BBOF1: variants seen among roughly 807,000 people sequenced by gnomAD.
BBOF1 encodes the protein basal body-orientation factor 1.
BBOF1 carries 62 observed loss-of-function variants against 68.0 expected under a neutral mutation model. That is an observed-to-expected ratio of 0.91 (90% CI 0.74 to 1.13). BBOF1 has a LOEUF of 1.13. Ranked by LOEUF, BBOF1 falls within the 50% of genes most tolerant of loss-of-function variation. The pLI, the probability that BBOF1 is intolerant of heterozygous loss-of-function variation, is 0.00. For missense variants in BBOF1, 534 were observed against 600.1 expected (o/e 0.89, Z 1.15); for synonymous variants, 208 against 198.8 (o/e 1.05, Z -0.39).
chr14:74,057,029 T>C, intron 10 of BBOF1, 49 bp downstream of exon 10: 1 of 1,585,648 alleles, frequency 6.3e-7, no homozygotes, highest in African/African-American at 1.3e-5. Context: ...ACACGATGGT[T>C]CTTGTGGGCA....
intron 11 of BBOF1, among the ~76,000 whole-genome samples, chr14:74,063,184 A>T (rs2060384971): frequency 6.8e-6 from 1 of 147,356 alleles, no homozygotes; most frequent in Admixed American, 6.9e-5. Context: ...AATAGTAATA[A>T]TTCTTCTTTT....
At position 74,019,472 on chromosome 14, in the gene BBOF1, A is replaced by C; in HGVS notation, c.-7A>C. On this transcript the variant is annotated 5_prime_UTR_variant, in exon 1 of 12. Coordinates refer to ENST00000394009, the MANE Select transcript of BBOF1 (RefSeq NM_025057.3). Reference sequence around the variant, plus strand: ...ACTACGACAGCGGAGCCCCTGGGGAAGCCAAGATGCCGTCGAAGGGAAAGG... The same window carrying C: ...ACTACGACAGCGGAGCCCCTGGGGACGCCAAGATGCCGTCGAAGGGAAAGG... 1 of 1,601,398 alleles carries C rather than the reference A, an allele frequency of 6.2e-7. No individual in the cohort carries two copies. The highest frequency in any genetic ancestry group is 2.3e-5 in the East Asian group (1 of 44,254).
At chr14:74,043,836 A>G (rs1401390946) in intron 5 of BBOF1, among the ~76,000 whole-genome samples, 2 of 151,622 alleles carry the variant, frequency 1.3e-5, no homozygotes, top group African/African-American at 4.8e-5. Flanking sequence ...CCTGGCCTCT[A>G]CATCCATATT....
At chr14:74,075,157 A>T in intron 9 of BBOF1, 1 of 732,334 alleles carries the variant, frequency 1.4e-6, no homozygotes, top group Non-Finnish European at 2.4e-6. Flanking sequence ...TTAAAGAGAA[A>T]AGATATGAAT....
At chr14:74,041,881 AC>A (rs2059831245) in intron 5 of BBOF1, among the ~76,000 whole-genome samples, 1 of 152,164 alleles carries the variant, frequency 6.6e-6, no homozygotes, top group East Asian at 1.9e-4. Flanking sequence ...TACTAAAAAT[AC>A]AAAAATTAGC....
chr14:74,036,717 C>T lies in BBOF1; in HGVS notation c.495+2546C>T, dbSNP rs1350111153. 3.4e-5 allele frequency among the ~76,000 whole-genome samples: 5 copies of T among 146,936 alleles called. No individual in the cohort carries two copies. The East Asian group carries it at 1.0e-3, about 30-fold the overall frequency. ...AAAAAAAAAAGCTGTCTTTAGTGTT[C>T]CTCCACTGTAAACAGAATATTGTCC... On this transcript the variant is annotated intron_variant, in intron 4 of 11. Transcript: ENST00000394009.
intron 6 of BBOF1, 118 bp downstream of exon 6, chr14:74,046,248 T>C: frequency 1.2e-6 from 1 of 817,520 alleles, no homozygotes. Flanking sequence ...CTTCAAATTT[T>C]CTGGTCTACT....
chr14:74,068,001 A>AAC (rs1226157291), downstream of BBOF1, among the ~76,000 whole-genome samples: 1 of 151,348 alleles, frequency 6.6e-6, no homozygotes, highest in Non-Finnish European at 1.5e-5. Flanking sequence ...CAATGTTAAA[A>AAC]AAAAAAAAAA....
intron 8 of BBOF1, among the ~76,000 whole-genome samples, chr14:74,051,536 C>A (rs944384112): frequency 4.6e-5 from 7 of 151,674 alleles, no homozygotes; most frequent in Non-Finnish European, 1.0e-4. Flanking sequence ...AAAAGTCCCC[C>A]AAAATTTTCC....
chr14:74,048,168 G>T (rs2059992258), intron 7 of BBOF1, 94 bp downstream of exon 7: 1 of 1,164,628 alleles, frequency 8.6e-7, no homozygotes, highest in South Asian at 1.6e-5. Flanking sequence ...GATATATAAG[G>T]ACAATGAGAC....
intron 3 of BBOF1, among the ~76,000 whole-genome samples, chr14:74,033,823 G>A (rs746182332): frequency 8.1e-4 from 123 of 151,996 alleles, no homozygotes; most frequent in Non-Finnish European, 1.3e-3. Context: ...CCAAGATCGC[G>A]CCATCGCACT....
downstream of BBOF1, chr14:74,066,687 G>T (rs777443177): frequency 5.0e-6 from 8 of 1,611,396 alleles, no homozygotes; most frequent in Non-Finnish European, 5.9e-6. Flanking sequence ...TCATATTTGT[G>T]AAGTGAAAGT....
At chr14:74,077,817 A>C (rs1344309754) in intron 9 of BBOF1, among the ~76,000 whole-genome samples, 4 of 152,216 alleles carry the variant, frequency 2.6e-5, no homozygotes, top group Non-Finnish European at 5.9e-5. Flanking sequence ...AAAGACTGTC[A>C]GTTTCAGGAG....
intron 5 of BBOF1, among the ~76,000 whole-genome samples, chr14:74,043,504 T>G (rs1334764806): frequency 3.8e-5 from 5 of 131,614 alleles, no homozygotes; most frequent in Admixed American, 8.9e-5. Context: ...GAGCCGAGAT[T>G]GCGCCACTGC....
chr14:74,066,549 G>A (rs1201785235), downstream of BBOF1, among the ~76,000 whole-genome samples: 1 of 152,142 alleles, frequency 6.6e-6, no homozygotes, highest in East Asian at 1.9e-4. Context: ...GTTAGAAGGA[G>A]AGGCTCATTC....
chr14:74,049,459 C>T (rs1018135219), intron 7 of BBOF1, among the ~76,000 whole-genome samples: 7 of 151,874 alleles, frequency 4.6e-5, no homozygotes, highest in Admixed American at 1.3e-4. Context: ...GTCAGGAATT[C>T]GAGACCAGCC....
Position 74,060,239 on chromosome 14 carries a change from A to G in BBOF1, c.1578+2981A>G, listed in dbSNP as rs1135885. 46,881 of 181,814 alleles carry G rather than the reference A, an allele frequency of 0.26. 7,250 individuals carry two copies. The highest frequency in any genetic ancestry group is 0.47 in the South Asian group (3,913 of 8,260). The allele number at this position is 181,814 out of a possible 1,614,324, so 11.3% of individuals were successfully genotyped here. A position where few individuals can be genotyped will look rare whatever the true frequency, so the allele number is the denominator to read the frequency against. On this transcript the variant is annotated intron_variant, in intron 11 of 11. Transcript: ENST00000394009. The stretch of plus-strand genomic sequence containing the variant: ...GTTCTTCAACTCCTGGGCTCAAGCA[A>G]TCTGCCCACTGTGGCCTCCCAAAAT...
intron 5 of BBOF1, among the ~76,000 whole-genome samples, chr14:74,042,114 A>G (rs1461337347): frequency 1.3e-5 from 2 of 152,176 alleles, no homozygotes; most frequent in Non-Finnish European, 2.9e-5. Flanking sequence ...GGCTCCAGCA[A>G]TCCTTCTGCC....
In BBOF1 at chr14:74,050,186, C is replaced by A; in HGVS notation, c.1277C>A (p.Ala426Asp). 6.5e-7 allele frequency: 1 copy of A among 1,536,220 alleles called. No homozygotes were observed. The highest frequency in any genetic ancestry group is 2.1e-5 in the Admixed American group (1 of 47,694). The change falls in exon 8 of 12, where the codon GCC becomes GAC. Residue 426 changes from alanine to aspartate, a missense_variant. Transcript: ENST00000394009. Reference sequence around the variant, plus strand: ...AGTGTGAATCAGGATCTTCTGGAGGCCGAAAAATGGTACTAGCAATACTTT... The same window carrying A: ...AGTGTGAATCAGGATCTTCTGGAGGACGAAAAATGGTACTAGCAATACTTT... The part of the protein sequence containing the change: ...TNSVNQDLLE[A>D]EKWTHIEGNV...
Sources: gnomAD v4.1 joint callset for allele counts (sites outside exome capture counted in the v4.1 genomes callset) on GRCh38, gnomAD v4.1.1 for gene constraint, MANE v1.5 for transcripts, NCBI Gene and HGNC (gene_info 2026-07-23, HGNC 2026-07-21) for gene names.